Variants in SCAPER observed in about 807,000 individuals in gnomAD.
SCAPER encodes the protein S phase cyclin A-associated protein in the endoplasmic reticulum.
In SCAPER, 98 loss-of-function variants were observed where a neutral mutation model predicts 182.2. The observed-to-expected ratio is 0.54, with a 90% CI of 0.46 to 0.64. The LOEUF is 0.64. Ranked by LOEUF, SCAPER falls within the 30% of genes least tolerant of loss-of-function variation. SCAPER has a pLI of 0.00. For synonymous variants in SCAPER, 605 were observed against 564.6 expected (o/e 1.07, Z -1.01); for missense variants, 1,432 against 1,690.0 (o/e 0.85, Z 2.68).
rs757564584 is a variant in SCAPER, at chr15:76,765,405, T to G, written c.1545A>C (p.Glu515Asp). Reference sequence around the variant, plus strand: ...CATGCCCTGGAGGTCTAGCAGGTTCTTCTTCTACAATGTCCCCCCAGGATG... The same window carrying G: ...CATGCCCTGGAGGTCTAGCAGGTTCGTCTTCTACAATGTCCCCCCAGGATG... Reference protein sequence around the residue: ...QNTSWGDIVEEEPARPPGHGI... With the variant: ...QNTSWGDIVEDEPARPPGHGI... The change falls in exon 13 of 32, where the codon GAA becomes GAC. Residue 515 changes from glutamate to aspartate, a missense_variant. By Grantham distance (45) the Glu-to-Asp change is conservative (BLOSUM62 2). This residue lies in a region of SCAPER where 128 missense variants were observed against 149.9 expected (regional missense o/e 0.85). Transcript: ENST00000563290. 1.9e-6 allele frequency: 3 copies of G among 1,614,018 alleles called. No homozygotes were observed. The highest frequency in any genetic ancestry group is 2.2e-5 in the South Asian group (2 of 91,086).
intron 17 of SCAPER, among the ~76,000 whole-genome samples, chr15:76,711,254 A>C (rs2059547204): frequency 6.6e-6 from 1 of 152,212 alleles, no homozygotes; most frequent in Admixed American, 6.5e-5. Context: ...TTAAAATCTG[A>C]AAAGATAAGC....
Position 76,376,163 on chromosome 15 carries a change from T to C in SCAPER, c.3854A>G (p.Gln1285Arg), listed in dbSNP as rs373336878. 6.2e-7 allele frequency: 1 copy of C among 1,613,876 alleles called. No individual in the cohort carries two copies. Among genetic ancestry groups the C allele is most frequent in the Non-Finnish European group, 8.5e-7 (1 of 1,179,812 alleles). Residue 1285 changes from glutamine to arginine, a missense_variant and splice_region_variant, in exon 29 of 32, where the codon CAG becomes CGG. Transcript: ENST00000563290. The part of the protein sequence containing the change: ...GYFTVNHPDN[Q>R]VIVQSGRHPT... ...AAGGAACTTTCCAGGGCCTCTTACC[T>C]GGTTATCTGGGTGGTTGACAGTGAA...
At chr15:76,512,291 A>C (rs1465065610) in intron 23 of SCAPER, among the ~76,000 whole-genome samples, 1 of 152,034 alleles carries the variant, frequency 6.6e-6, no homozygotes, top group Non-Finnish European at 1.5e-5. Flanking sequence ...CTCACAGAAT[A>C]GTTTTTCACT....
intron 18 of SCAPER, among the ~76,000 whole-genome samples, chr15:76,703,372 T>G (rs2059068693): frequency 6.6e-6 from 1 of 152,180 alleles, no homozygotes; most frequent in African/African-American, 2.4e-5. Context: ...ACTTACAAAT[T>G]ATTTGCCAAT....
At chr15:76,511,843 A>ATATATATATGTG (rs151255382) in intron 23 of SCAPER, among the ~76,000 whole-genome samples, 4 of 123,296 alleles carry the variant, frequency 3.2e-5, no homozygotes, top group African/African-American at 1.0e-4. Flanking sequence ...ATATATATAT[A>ATATATATATGTG]TGTGTGTGTG....
intron 17 of SCAPER, among the ~76,000 whole-genome samples, chr15:76,711,271 T>C (rs538503639): frequency 6.6e-6 from 1 of 152,262 alleles, no homozygotes; most frequent in South Asian, 2.1e-4. Context: ...AAGCCATAGA[T>C]TGTAAGTCAT....
chr15:76,462,441 C>T (rs1231257899), intron 25 of SCAPER, among the ~76,000 whole-genome samples: 1 of 152,098 alleles, frequency 6.6e-6, no homozygotes, highest in Non-Finnish European at 1.5e-5. Context: ...TTGCTTATGG[C>T]TTAGTGAATA....
At chr15:76,625,603 G>T (rs1238532529) in intron 21 of SCAPER, among the ~76,000 whole-genome samples, 1 of 152,160 alleles carries the variant, frequency 6.6e-6, no homozygotes, top group East Asian at 1.9e-4. Flanking sequence ...TGTAGCTCTG[G>T]TAGGAGGCAG....
At chr15:76,649,127 CTTTCT>C (rs1328732278) in intron 21 of SCAPER, among the ~76,000 whole-genome samples, 3 of 152,130 alleles carry the variant, frequency 2.0e-5, no homozygotes, top group African/African-American at 7.2e-5. Context: ...TCTCCTTTCT[CTTTCT>C]TTTGTCTATT....
chr15:76,843,445 T>A (rs2069684486), intron 4 of SCAPER, among the ~76,000 whole-genome samples: 1 of 152,192 alleles, frequency 6.6e-6, no homozygotes, highest in Non-Finnish European at 1.5e-5. Flanking sequence ...GTTAAAAGAA[T>A]GACAGAACTG....
At chr15:76,424,715 A>G (rs933943399) in intron 26 of SCAPER, among the ~76,000 whole-genome samples, 1 of 152,146 alleles carries the variant, frequency 6.6e-6, no homozygotes, top group Non-Finnish European at 1.5e-5. Flanking sequence ...CCTAGCATCA[A>G]TGGTCTTTAC....
rs1374829762 is a variant in SCAPER at position 76,571,114 on chromosome 15, C to A, written c.2838+3044G>T. Among the ~76,000 whole-genome samples, 7 of 152,142 alleles carry A rather than the reference C, an allele frequency of 4.6e-5. No homozygotes were observed. The South Asian group carries it at 1.4e-3, about 31-fold the overall frequency. On this transcript the variant is annotated intron_variant, in intron 23 of 31. Coordinates refer to ENST00000563290, the MANE Select transcript of SCAPER (RefSeq NM_020843.4). ...ACTTTCATCACCTTACACGATGACA[C>A]TTGTAAACCACAACTCACATTTGCC... is the stretch of plus-strand genomic sequence containing the variant.
chr15:76,375,055 C>T (rs113134510), intron 29 of SCAPER, among the ~76,000 whole-genome samples: 7,123 of 150,904 alleles, frequency 0.047, 231 homozygotes, highest in East Asian at 0.094. Context: ...GGCAAAGCCC[C>T]GTCTCTGCAA....
intron 2 of SCAPER, among the ~76,000 whole-genome samples, chr15:76,863,443 T>C (rs2072033320): frequency 6.6e-6 from 1 of 152,218 alleles, no homozygotes; most frequent in African/African-American, 2.4e-5. Context: ...CCTGGACTTT[T>C]AGCATTCCTG....
At chr15:76,382,149 G>A (rs1014658076) in intron 27 of SCAPER, among the ~76,000 whole-genome samples, 3 of 152,118 alleles carry the variant, frequency 2.0e-5, no homozygotes, top group Admixed American at 2.0e-4. Context: ...AGGCAGGACA[G>A]GTTGTAGAAG....
At chr15:76,710,405 A>T (rs145500508) in intron 17 of SCAPER, among the ~76,000 whole-genome samples, 2 of 152,298 alleles carry the variant, frequency 1.3e-5, no homozygotes, top group Non-Finnish European at 1.5e-5. Context: ...TAAGTTGAGG[A>T]ACATCTGTAA....
Position 76,800,277 on chromosome 15 carries a change from T to TG in SCAPER, c.581dup (p.Ser195IlefsTer30). 6.2e-7 allele frequency: 1 copy of TG among 1,612,958 alleles called. No homozygotes were observed. Among genetic ancestry groups the TG allele is most frequent in the Non-Finnish European group, 8.5e-7 (1 of 1,179,310 alleles). ...AATTTAAGCTTCGTCGAGCATTTGATGTTACATTTATTCTATCTGTTGATG... is the reference window on the plus strand; with the variant it reads ...AATTTAAGCTTCGTCGAGCATTTGATGGTTACATTTATTCTATCTGTTGATG... On this transcript the variant is annotated frameshift_variant, in exon 7 of 32. Transcript: ENST00000563290. LOFTEE classifies it high-confidence loss of function.
intron 29 of SCAPER, among the ~76,000 whole-genome samples, chr15:76,375,595 A>G (rs1028506817): frequency 5.0e-4 from 76 of 152,368 alleles, no homozygotes; most frequent in Non-Finnish European, 5.9e-5. Context: ...AAGAGAGTAC[A>G]TGCTTCTCTG....
chr15:76,525,947 C>G (rs1447439257), intron 23 of SCAPER, among the ~76,000 whole-genome samples: 1 of 152,198 alleles, frequency 6.6e-6, no homozygotes, highest in African/African-American at 2.4e-5. Flanking sequence ...CTGCTTTCCA[C>G]AGTGGCTGGA....
Sources: allele counts gnomAD v4.1 joint callset (sites outside exome capture counted in the v4.1 genomes callset), GRCh38; gene constraint gnomAD v4.1.1; regional missense constraint gnomAD v4.1.1; transcripts MANE v1.5; gene names NCBI Gene and HGNC (gene_info 2026-07-23, HGNC 2026-07-21).